Variants in MIPOL1 observed in about 807,000 individuals in gnomAD.
MIPOL1 encodes mirror-image polydactyly 1.
MIPOL1 carries 57 observed loss-of-function variants against 60.9 expected under a neutral mutation model. The ratio of observed to expected loss-of-function variants is 0.94; its 90% confidence interval spans 0.76 to 1.17. The LOEUF is 1.17. Ranked by LOEUF, MIPOL1 falls within the 50% of genes most tolerant of loss-of-function variation. MIPOL1 has a pLI of 0.00. For missense variants in MIPOL1, 551 were observed against 511.6 expected, an observed-to-expected ratio of 1.08 and a Z score of -0.74; for synonymous variants, 179 against 168.8, an observed-to-expected ratio of 1.06 and a Z score of -0.47.
intron 12 of MIPOL1, chr14:37,523,440 C>G (rs770731427): frequency 1.3e-5 from 5 of 381,764 alleles, no homozygotes; most frequent in Admixed American, 4.6e-5. Flanking sequence ...AATAGCTAAG[C>G]CAAATATAAA....
At chr14:37,428,594 T>A (rs1275096769) in intron 11 of MIPOL1, among the ~76,000 whole-genome samples, 1 of 151,952 alleles carries the variant, frequency 6.6e-6, no homozygotes, top group Non-Finnish European at 1.5e-5. Context: ...TCTCCCCAGT[T>A]TTTTTCTTCT....
At chr14:37,534,270 C>T (rs995633937) in intron 12 of MIPOL1, among the ~76,000 whole-genome samples, 3 of 152,094 alleles carry the variant, frequency 2.0e-5, no homozygotes, top group African/African-American at 4.8e-5. Context: ...CTCCCAAACT[C>T]CTTCGATTTA....
At chr14:37,538,382 T>C (rs1171853686) in intron 12 of MIPOL1, among the ~76,000 whole-genome samples, 1 of 152,220 alleles carries the variant, frequency 6.6e-6, no homozygotes, top group African/African-American at 2.4e-5. Context: ...CTCTATACTT[T>C]ATCTTTGGTT....
chr14:37,267,006 C>G lies in MIPOL1; in HGVS notation c.88C>G (p.Leu30Val), dbSNP rs1365427661. The change falls in exon 4 of 13, where the codon CTG (leucine) becomes GTG (valine). Residue 30 changes from leucine to valine, a missense_variant. Coordinates refer to ENST00000684589, the MANE Select transcript of MIPOL1 (RefSeq NM_001388067.1). ...INKSTQPDEQ[L>V]TMNSEKSMHR... ...TAAAAGTACGCAGCCAGATGAGCAA[C>G]TGACTATGAATTCTGAGAAAAGTAT... 1 of 1,613,742 alleles carries G rather than the reference C, an allele frequency of 6.2e-7. No individual in the cohort carries two copies. Among genetic ancestry groups the G allele is most frequent in the Non-Finnish European group, 8.5e-7 (1 of 1,179,914 alleles).
At chr14:37,441,568 T>C (rs2094244818) in intron 11 of MIPOL1, among the ~76,000 whole-genome samples, 1 of 152,118 alleles carries the variant, frequency 6.6e-6, no homozygotes, top group Non-Finnish European at 1.5e-5. Context: ...TTTCTGGGTT[T>C]TCTATTCTGT....
At chr14:37,403,730 T>G (rs1334696327) in intron 10 of MIPOL1, among the ~76,000 whole-genome samples, 1 of 152,226 alleles carries the variant, frequency 6.6e-6, no homozygotes, top group Non-Finnish European at 1.5e-5. Context: ...TCTGTCCCTG[T>G]TAATTGTCCT....
intron 11 of MIPOL1, among the ~76,000 whole-genome samples, chr14:37,492,064 C>T (rs2095055125): frequency 1.3e-5 from 2 of 152,276 alleles, no homozygotes; most frequent in Middle Eastern, 6.8e-3. Flanking sequence ...TCAGGCTGGT[C>T]TAGAACTCCT....
chr14:37,245,437 A>G (rs935318920), intron 1 of MIPOL1, among the ~76,000 whole-genome samples: 3 of 152,144 alleles, frequency 2.0e-5, no homozygotes, highest in African/African-American at 4.8e-5. Context: ...AGTGTACAAG[A>G]TATGAATTGA....
chr14:37,427,688 G>A (rs796500404), intron 11 of MIPOL1, among the ~76,000 whole-genome samples: 19 of 152,054 alleles, frequency 1.2e-4, no homozygotes, highest in East Asian at 5.8e-4. Context: ...ACTCTAGGAC[G>A]GGGGAGGAAA....
chr14:37,288,863 G>C (rs942994333), intron 7 of MIPOL1, among the ~76,000 whole-genome samples: 1 of 151,824 alleles, frequency 6.6e-6, no homozygotes, highest in African/African-American at 2.4e-5. Context: ...TTGCAGTCTC[G>C]TTTTCATTCT....
At chr14:37,290,405 T>A (rs1412065634) in intron 7 of MIPOL1, among the ~76,000 whole-genome samples, 1 of 152,086 alleles carries the variant, frequency 6.6e-6, no homozygotes, top group Non-Finnish European at 1.5e-5. Context: ...TCTGTATTTT[T>A]AGTAGAGATG....
chr14:37,450,710 T>C (rs2094405134), intron 11 of MIPOL1, among the ~76,000 whole-genome samples: 1 of 152,152 alleles, frequency 6.6e-6, no homozygotes, highest in African/African-American at 2.4e-5. Flanking sequence ...TTGATGTCTC[T>C]CTTTCTGGTA....
chr14:37,329,605 C>T lies in MIPOL1; in HGVS notation c.828+21086C>T, dbSNP rs564978777. ...TAAGAATGAGCACTTAAGTAATTGA[C>T]AGCTCTGTTGAGATTACAACATTTA... On this transcript the variant is annotated intron_variant, in intron 9 of 12. Transcript: ENST00000684589. Among the ~76,000 whole-genome samples, 10 of 152,194 alleles carry T rather than the reference C, an allele frequency of 6.6e-5. No individual in the cohort carries two copies. The South Asian group carries it at 2.1e-3, about 32-fold the overall frequency.
intron 11 of MIPOL1, among the ~76,000 whole-genome samples, chr14:37,473,278 C>T (rs2094716424): frequency 6.6e-6 from 1 of 152,142 alleles, no homozygotes; most frequent in African/African-American, 2.4e-5. Context: ...GCCAGCTCCA[C>T]CATGGGCAGA....
intron 9 of MIPOL1, among the ~76,000 whole-genome samples, chr14:37,331,075 A>G (rs2089641886): frequency 2.0e-5 from 3 of 151,754 alleles, no homozygotes. Context: ...TTTTTAGTCT[A>G]TCCTGTGGTT....
chr14:37,445,611 C>T (rs1467647236), intron 11 of MIPOL1, among the ~76,000 whole-genome samples: 2 of 151,580 alleles, frequency 1.3e-5, no homozygotes, highest in African/African-American at 4.9e-5. Flanking sequence ...GCCCGCATCG[C>T]CAAGTCAATC....
chr14:37,296,400 G>C (rs986275850), intron 7 of MIPOL1, among the ~76,000 whole-genome samples: 12 of 152,168 alleles, frequency 7.9e-5, no homozygotes, highest in Non-Finnish European at 1.5e-4. Context: ...AAGAACTAGA[G>C]AAGCAAGAGC....
rs1302958671 is a variant in MIPOL1, at chr14:37,268,661, T to G, written c.255T>G (p.Val85=). 1 of 1,582,786 alleles carries G rather than the reference T, an allele frequency of 6.3e-7. No homozygotes were observed. Among genetic ancestry groups the G allele is most frequent in the East Asian group, 2.3e-5 (1 of 43,406 alleles). Residue 85 remains valine (V), a synonymous_variant, in exon 5 of 13, where the codon GTT becomes GTG. Transcript: ENST00000684589. ...TTAATCAGTTTCTTTATTACAGCGTTATGGAACATAGACATAATGATATGC... is the reference window on the plus strand; with the variant it reads ...TTAATCAGTTTCTTTATTACAGCGTGATGGAACATAGACATAATGATATGC... ...SVYCTTEKYN[V]MEHRHNDMHY...
At chr14:37,455,335 T>G (rs1418756254) in intron 11 of MIPOL1, among the ~76,000 whole-genome samples, 1 of 152,124 alleles carries the variant, frequency 6.6e-6, no homozygotes, top group Non-Finnish European at 1.5e-5. Flanking sequence ...CCTAAATAAT[T>G]TCTCTACACC....
Sources: allele counts gnomAD v4.1 joint callset (sites outside exome capture counted in the v4.1 genomes callset), GRCh38; gene constraint gnomAD v4.1.1; transcripts MANE v1.5; gene names NCBI Gene and HGNC (gene_info 2026-07-23, HGNC 2026-07-21).